Variants in POLR1C observed in about 807,000 individuals in gnomAD.
POLR1C encodes RNA polymerase I and III subunit C, also known as DNA-directed RNA polymerases I and III subunit RPAC1.
Under a neutral mutation model 38.3 loss-of-function variants are expected in POLR1C, and 42 were observed. That is an observed-to-expected ratio of 1.10 (90% CI 0.86 to 1.42). POLR1C has a LOEUF of 1.42. POLR1C is among the 40% of genes most tolerant of loss of function. POLR1C has a pLI of 0.00. For missense variants in POLR1C, 507 were observed against 450.5 expected, an observed-to-expected ratio of 1.13 and a Z score of -1.14; for synonymous variants, 163 against 163.9, an observed-to-expected ratio of 0.99 and a Z score of 0.04.
intron 10 of POLR1C, among the ~76,000 whole-genome samples, chr6:43,557,748 C>T (rs1762172865): frequency 8.3e-6 from 1 of 120,292 alleles, no homozygotes. Flanking sequence ...TGTGGGTGAA[C>T]TGTATGGTAA....
chr6:43,519,738 G>A lies in POLR1C; in HGVS notation c.282G>A (p.Val94=). 1.2e-6 allele frequency: 2 copies of A among 1,614,162 alleles called. No individual in the cohort carries two copies. The highest frequency in any genetic ancestry group is 2.2e-5 in the East Asian group (1 of 44,886). ...CTATGGCTGTGGAGAAGGTCCTGGT[G>A]TACAATAATACATCCATTGTTCAGG... ...VPTMAVEKVL[V]YNNTSIVQDE... is the part of the protein sequence containing the mutation. The change falls in exon 4 of 9, where the codon GTG becomes GTA. Residue 94 remains valine (V), a synonymous_variant. Coordinates refer to ENST00000642195, the MANE Select transcript of POLR1C (RefSeq NM_203290.4).
chr6:43,529,378 T>TG (rs1793807503), exon 9 of POLR1C: 1 of 111,160 alleles, frequency 9.0e-6, no homozygotes, highest in African/African-American at 7.1e-5. Context: ...CCGTCTCTAC[T>TG]AAAAAAAAAA....
At position 43,543,959 on chromosome 6, in the gene POLR1C, G is replaced by A. The variant is rs1794840591; in HGVS notation, c.*5-7009G>A. 2.0e-5 allele frequency among the ~76,000 whole-genome samples: 3 copies of A among 152,148 alleles called. No individual in the cohort carries two copies. In the East Asian group the frequency reaches 5.8e-4, roughly 29 times the overall value. ...CTCACAGTGCTGGGATTATAGGCATGAGCTACCGCGCCCAGCCAATAAAAT... is the reference window on the plus strand; with the variant it reads ...CTCACAGTGCTGGGATTATAGGCATAAGCTACCGCGCCCAGCCAATAAAAT... On this transcript the variant is annotated intron_variant, in intron 9 of 10. Transcript: ENST00000607635.
rs545662099 is a variant in POLR1C, at chr6:43,538,404, C to T, written c.*4+9045C>T. 2.0e-5 allele frequency among the ~76,000 whole-genome samples: 3 copies of T among 152,044 alleles called. No homozygotes were observed. In the South Asian group the frequency reaches 6.2e-4, roughly 32 times the overall value. On this transcript the variant is annotated intron_variant, in intron 9 of 10. Coordinates refer to the POLR1C transcript ENST00000607635. Reference sequence around the variant, plus strand: ...AGCCTCAAGGATCCGCCTGCCTCGGCCTCCCAAACTGCTGAGATCACAAGC... The same window carrying T: ...AGCCTCAAGGATCCGCCTGCCTCGGTCTCCCAAACTGCTGAGATCACAAGC...
At chr6:43,538,366 G>T (rs1219860417) in intron 9 of POLR1C, among the ~76,000 whole-genome samples, 1 of 151,782 alleles carries the variant, frequency 6.6e-6, no homozygotes, top group African/African-American at 2.4e-5. Context: ...GGCCAGGTTG[G>T]TCTCAAACTC....
In POLR1C at chr6:43,543,569, G is replaced by A. The variant is rs116621861; in HGVS notation, c.*5-7399G>A. ...GGTAAAGTTGCTTCTTGATCTGAGT[G>A]CTGATTACATGAATGTGTCCACTTT... On this transcript the variant is annotated intron_variant, in intron 9 of 10. Coordinates refer to the POLR1C transcript ENST00000607635. 2.6e-3 allele frequency among the ~76,000 whole-genome samples: 392 copies of A among 152,234 alleles called. 3 individuals are homozygous for A. The highest frequency in any genetic ancestry group is 8.8e-3 in the African/African-American group (366 of 41,538).
chr6:43,559,449 A>G (rs1374402262), intron 10 of POLR1C, among the ~76,000 whole-genome samples: 1 of 152,208 alleles, frequency 6.6e-6, no homozygotes, highest in Admixed American at 6.5e-5. Flanking sequence ...ATTCATGAGC[A>G]ACTCTCTACT....
chr6:43,535,153 G>A (rs374405469), intron 9 of POLR1C, among the ~76,000 whole-genome samples: 6 of 151,518 alleles, frequency 4.0e-5, no homozygotes, highest in East Asian at 2.0e-4. Flanking sequence ...TTAGCCGGAC[G>A]TGGTGGTGGG....
intron 8 of POLR1C, chr6:43,528,871 A>G: frequency 6.2e-7 from 1 of 1,613,954 alleles, no homozygotes; most frequent in Non-Finnish European, 8.5e-7. Context: ...GGGGGATACC[A>G]GGGCTTCATA....
At chr6:43,523,664 G>A (rs761824568), downstream of POLR1C, 7 of 859,254 alleles carry the variant, frequency 8.1e-6, no homozygotes, top group Admixed American at 1.7e-5. Context: ...AATAGTTTAA[G>A]CCCTAACTCC....
intron 9 of POLR1C, among the ~76,000 whole-genome samples, chr6:43,541,585 C>T (rs1053270245): frequency 6.6e-6 from 1 of 152,180 alleles, no homozygotes; most frequent in Non-Finnish European, 1.5e-5. Context: ...AGTTGATCTA[C>T]ACTTTCTTCT....
chr6:43,520,881 C>T (rs1236140892), intron 7 of POLR1C, 51 bp from the exon 8 acceptor site: 9 of 1,597,990 alleles, frequency 5.6e-6, no homozygotes, highest in South Asian at 1.1e-5. Flanking sequence ...GGTTTGCTAC[C>T]AAGTGGCAAA....
intron 8 of POLR1C, chr6:43,529,222 C>G (rs1441510810): frequency 2.8e-6 from 4 of 1,408,192 alleles, no homozygotes; most frequent in Non-Finnish European, 3.8e-6. Context: ...AACAAACTCT[C>G]CTTCACCATT....
At chr6:43,522,374 G>T (rs775321024), downstream of POLR1C, 18 of 159,038 alleles carry the variant, frequency 1.1e-4, no homozygotes, top group Non-Finnish European at 2.1e-4. Context: ...ATGCAGATGT[G>T]CTTTAGAGTT....
At chr6:43,525,438 T>C, downstream of POLR1C, 1 of 545,626 alleles carries the variant, frequency 1.8e-6, no homozygotes. Context: ...ATGCCTGGCT[T>C]AGGAGCTGGA....
At chr6:43,549,796 C>T (rs41281822) in intron 9 of POLR1C, 231 of 1,339,974 alleles carry the variant, frequency 1.7e-4, no homozygotes, top group Non-Finnish European at 2.3e-4. Context: ...ACCCTTACTA[C>T]CCCCTCCCAT....
downstream of POLR1C, chr6:43,533,601 C>T (rs1794136297): frequency 4.8e-6 from 1 of 207,608 alleles, no homozygotes; most frequent in South Asian, 7.8e-5. Context: ...GCTTTAAAGG[C>T]CATGGTGGGA....
intron 9 of POLR1C, among the ~76,000 whole-genome samples, chr6:43,548,838 C>T (rs2127729934): frequency 6.6e-6 from 1 of 151,724 alleles, no homozygotes; most frequent in South Asian, 2.1e-4. Context: ...TCTTATAACC[C>T]CATGCCCCAA....
intron 10 of POLR1C, among the ~76,000 whole-genome samples, chr6:43,559,544 G>C (rs1762296944): frequency 6.6e-6 from 1 of 152,164 alleles, no homozygotes; most frequent in Admixed American, 6.5e-5. Flanking sequence ...GCAATGCTTA[G>C]ATATTGCCTC....
Sources: allele counts gnomAD v4.1 joint callset (sites outside exome capture counted in the v4.1 genomes callset), GRCh38; gene constraint gnomAD v4.1.1; transcripts MANE v1.5; gene names NCBI Gene and HGNC (gene_info 2026-07-23, HGNC 2026-07-21).